The following TEX30 variants were observed in gnomAD, a reference collection of about 807,000 sequenced individuals.
TEX30 encodes the protein testis expressed 30.
TEX30 carries 14 observed loss-of-function variants against 23.8 expected under a neutral mutation model. The observed-to-expected ratio is 0.59, with a 90% CI of 0.39 to 0.92. The LOEUF (loss-of-function observed/expected upper bound fraction) is 0.92. TEX30 is among the 40% of genes least tolerant of loss of function. The pLI, the probability that TEX30 is intolerant of heterozygous loss-of-function variation, is 0.00. For missense variants in TEX30, 246 were observed against 270.6 expected, an observed-to-expected ratio of 0.91 and a Z score of 0.64; for synonymous variants, 78 against 90.2, an observed-to-expected ratio of 0.87 and a Z score of 0.76.
At chr13:102,770,780 GAGTCCAGACT>G (rs1195017971) in intron 1 of TEX30, 1 of 152,140 alleles carries the variant, frequency 6.6e-6, no homozygotes, top group Non-Finnish European at 1.5e-5. Flanking sequence ...CTGAAGTCTG[GAGTCCAGACT>G]AGTCTAACCA....
At chr13:102,771,904 C>A (rs1347207704) in intron 1 of TEX30, among the ~76,000 whole-genome samples, 3 of 152,246 alleles carry the variant, frequency 2.0e-5, no homozygotes, top group Admixed American at 2.0e-4. Context: ...AGTACCACCG[C>A]TGTCCAGTGC....
chr13:102,769,415 T>C lies in TEX30; in HGVS notation c.142A>G (p.Met48Val). ...ASGDMNLPHL[M>V]SLASHLASHG... ...GATGCAAGATGGGATGCCAGTGACATCAAATGAGGAAGATTCATATCTCCT... is the reference window on the plus strand; with the variant it reads ...GATGCAAGATGGGATGCCAGTGACACCAAATGAGGAAGATTCATATCTCCT... Residue 48 changes from methionine to valine, a missense_variant, in exon 3 of 6, where the codon ATG (methionine) becomes GTG (valine). By Grantham distance (21) the Met-to-Val change is conservative. Transcript: ENST00000376032. 1 of 1,610,992 alleles carries C rather than the reference T, an allele frequency of 6.2e-7. No individual in the cohort carries two copies. Among genetic ancestry groups the C allele is most frequent in the Non-Finnish European group, 8.5e-7 (1 of 1,179,008 alleles).
intron 1 of TEX30, among the ~76,000 whole-genome samples, chr13:102,770,488 C>A (rs1877245040): frequency 6.6e-6 from 1 of 152,156 alleles, no homozygotes. Flanking sequence ...AGTTCCCAAG[C>A]CTACCCATCC....
Position 102,767,439 on chromosome 13 carries a change from C to T in TEX30, c.338G>A (p.Cys113Tyr). ...MGSRAAASVM[C>Y]HIEPDDGDDF... is the part of the protein sequence containing the mutation. ...ATCACCATCATCTGGCTCAATGTGA[C>T]ACATTACAGAAGCAGCTGCTCTTGA... Residue 113 changes from cysteine to tyrosine, a missense_variant, in exon 5 of 6, where the codon TGT becomes TAT. Coordinates refer to ENST00000376032, the MANE Select transcript of TEX30 (RefSeq NM_138779.5). The T allele has an allele frequency of 6.2e-7, 1 of 1,614,106 alleles. No homozygotes were observed. The highest frequency in any genetic ancestry group is 8.5e-7 in the Non-Finnish European group (1 of 1,180,022).
intron 3 of TEX30, among the ~76,000 whole-genome samples, chr13:102,769,001 G>C (rs1877105232): frequency 6.6e-6 from 1 of 152,122 alleles, no homozygotes; most frequent in Non-Finnish European, 1.5e-5. Flanking sequence ...TGCATAGTAT[G>C]GTAGATGAAA....
chr13:102,768,375 T>C (rs1431275217), intron 3 of TEX30, 64 bp from the exon 4 acceptor site: 2 of 1,178,410 alleles, frequency 1.7e-6, no homozygotes, highest in Non-Finnish European at 2.4e-6. Flanking sequence ...AGGCAAGATA[T>C]ATTGTTTCTC....
chr13:102,769,980 C>G (rs1027081276), intron 2 of TEX30, 32 bp downstream of exon 2: 1 of 1,420,600 alleles, frequency 7.0e-7, no homozygotes, highest in Non-Finnish European at 9.2e-7. Flanking sequence ...AAACCAGGAA[C>G]CCTGAAGATG....
chr13:102,770,246 G>A, intron 1 of TEX30, 160 bp from the exon 2 acceptor site: 1 of 369,462 alleles, frequency 2.7e-6, no homozygotes, highest in Non-Finnish European at 4.8e-6. Context: ...CTCAGAATTG[G>A]TTAGAGGGCC....
intron 1 of TEX30, 94 bp from the exon 2 acceptor site, chr13:102,770,180 T>C: frequency 2.3e-6 from 1 of 441,312 alleles, no homozygotes; most frequent in Admixed American, 4.4e-5. Flanking sequence ...AAAATAAACA[T>C]TTAGAATTAC....
At position 102,769,120 on chromosome 13, in the gene TEX30, C is replaced by T. The variant is rs528509939; in HGVS notation, c.246+191G>A. 9.2e-5 allele frequency among the ~76,000 whole-genome samples: 14 copies of T among 152,274 alleles called. 1 individual carries two copies. The South Asian group carries it at 2.7e-3, about 29-fold the overall frequency. On this transcript the variant is annotated intron_variant, in intron 3 of 5. Coordinates refer to ENST00000376032, the MANE Select transcript of TEX30 (RefSeq NM_138779.5). ...GAGGAACATTTATGATGTAAGCATT[C>T]ATCTCCATGGAAACTGATGACAAGG...
In TEX30 at chr13:102,769,993, G is replaced by T; in HGVS notation, c.15+19C>A. The T allele has an allele frequency of 6.9e-7, 1 of 1,443,546 alleles. No individual in the cohort carries two copies. Among genetic ancestry groups the T allele is most frequent in the Admixed American group, 2.8e-5 (1 of 35,472 alleles). 89.4% of individuals were successfully genotyped at this position (1,443,546 alleles called of 1,614,324 possible). A position where few individuals can be genotyped will look rare whatever the true frequency, so the allele number is the denominator to read the frequency against. On this transcript the variant is annotated intron_variant, in intron 2 of 5. Coordinates refer to ENST00000376032, the MANE Select transcript of TEX30 (RefSeq NM_138779.5). ...AAAAACCAGGAACCCTGAAGATGCA[G>T]AACATACGAAAATATTACCTCTGTA... is the stretch of plus-strand genomic sequence containing the variant.
chr13:102,766,716 G>C, intron 5 of TEX30, 136 bp from the exon 6 acceptor site: 1 of 739,478 alleles, frequency 1.4e-6, no homozygotes, highest in Non-Finnish European at 2.0e-6. Context: ...CTAGGTAATA[G>C]AATGTGTGAG....
At chr13:102,767,862 G>C (rs570192934) in intron 4 of TEX30, among the ~76,000 whole-genome samples, 1 of 152,064 alleles carries the variant, frequency 6.6e-6, no homozygotes, top group Non-Finnish European at 1.5e-5. Flanking sequence ...GCAGTGAGCC[G>C]AGATGGCGCC....
chr13:102,767,170 A>G, intron 5 of TEX30, 103 bp downstream of exon 5: 1 of 1,217,004 alleles, frequency 8.2e-7, no homozygotes, highest in Non-Finnish European at 1.1e-6. Context: ...CATTAGTCAA[A>G]TTAGCAATTT....
At chr13:102,769,583 G>T in intron 2 of TEX30, 42 bp from the exon 3 acceptor site, 1 of 1,269,956 alleles carries the variant, frequency 7.9e-7, no homozygotes. Context: ...TTACTTTCTT[G>T]CCTATTAAGA....
rs118055120 is a variant in TEX30, at chr13:102,770,000, C to T, written c.15+12G>A. 39,701 of 1,445,012 alleles carry T rather than the reference C, an allele frequency of 0.027. 665 individuals carry two copies. Among genetic ancestry groups the T allele is most frequent in the Non-Finnish European group, 0.031 (34,277 of 1,095,212 alleles). The allele number at this position is 1,445,012 out of a possible 1,614,324, so 89.5% of individuals were successfully genotyped here. A position where few individuals can be genotyped will look rare whatever the true frequency, so the allele number is the denominator to read the frequency against. On this transcript the variant is annotated intron_variant, in intron 2 of 5. Transcript: ENST00000376032. Reference sequence around the variant, plus strand: ...AGGAACCCTGAAGATGCAGAACATACGAAAATATTACCTCTGTATGACTCA... The same window carrying T: ...AGGAACCCTGAAGATGCAGAACATATGAAAATATTACCTCTGTATGACTCA...
At chr13:102,771,502 C>T (rs1566428474) in intron 1 of TEX30, among the ~76,000 whole-genome samples, 1 of 152,188 alleles carries the variant, frequency 6.6e-6, no homozygotes, top group Non-Finnish European at 1.5e-5. Flanking sequence ...TAGAAACCAC[C>T]ATAAGCAACT....
rs1216104955 is a variant in TEX30, at chr13:102,767,246, T to G, written c.504+27A>C. On this transcript the variant is annotated intron_variant, in intron 5 of 5. Transcript: ENST00000376032. ...ATGTCTGCCTTTCATTCTCTTTCATTGACACAAACATTGAGTTATAATTCA... is the reference window on the plus strand; with the variant it reads ...ATGTCTGCCTTTCATTCTCTTTCATGGACACAAACATTGAGTTATAATTCA... The G allele has an allele frequency of 1.9e-6, 3 of 1,597,762 alleles. No homozygotes were observed. The African/African-American group carries it at 4.0e-5, about 21-fold the overall frequency.
In TEX30 at chr13:102,769,296, A is replaced by G. The variant is rs769129802; in HGVS notation, c.246+15T>C. On this transcript the variant is annotated intron_variant, in intron 3 of 5. Transcript: ENST00000376032. ...CAGAATTCTGTTATAAGTAAATATA[A>G]AGAAATTTTCTTACCAAAACTGATT... 7 of 1,457,194 alleles carry G rather than the reference A, an allele frequency of 4.8e-6. No individual in the cohort carries two copies. In the South Asian group the frequency reaches 8.5e-5, roughly 18 times the overall value. The allele number at this position is 1,457,194 out of a possible 1,614,324, so 90.3% of individuals were successfully genotyped here.
Sources: gnomAD v4.1 joint callset for allele counts (sites outside exome capture counted in the v4.1 genomes callset) on GRCh38, gnomAD v4.1.1 for gene constraint, MANE v1.5 for transcripts, NCBI Gene and HGNC (gene_info 2026-07-23, HGNC 2026-07-21) for gene names.